VLDLR: variants seen among roughly 807,000 people sequenced by gnomAD.
The protein encoded by VLDLR is very low-density lipoprotein receptor.
VLDLR carries 81 observed loss-of-function variants against 112.7 expected under a neutral mutation model. The observed-to-expected ratio is 0.72, with a 90% confidence interval of 0.60 to 0.86. The LOEUF is 0.86. Ranked by LOEUF, VLDLR falls within the 40% of genes least tolerant of loss-of-function variation. The pLI is 0.00. For missense variants in VLDLR, 1,237 were observed against 1,099.4 expected, an observed-to-expected ratio of 1.13 and a Z score of -1.77; for synonymous variants, 436 against 384.8, an observed-to-expected ratio of 1.13 and a Z score of -1.56.
chr9:2,647,450 T>G, intron 11 of VLDLR, 24 bp from the exon 12 acceptor site: 1 of 1,599,064 alleles, frequency 6.3e-7, no homozygotes, highest in Non-Finnish European at 8.6e-7. Flanking sequence ...CACTGAGGCT[T>G]ATTTCTCATT....
intron 1 of VLDLR, 36 bp downstream of exon 1, chr9:2,622,307 A>T: frequency 7.0e-7 from 1 of 1,435,738 alleles, no homozygotes; most frequent in Non-Finnish European, 9.1e-7. Flanking sequence ...GGCGGGCGGG[A>T]CCCAGCCGGG....
chr9:2,633,031 G>GGAGAGAGAGA (rs71329438), intron 1 of VLDLR, among the ~76,000 whole-genome samples: 1 of 138,602 alleles, frequency 7.2e-6, no homozygotes, highest in African/African-American at 2.8e-5. Flanking sequence ...ACTCCTTATT[G>GGAGAGAGAGA]GAGAGAGAGA....
In VLDLR at chr9:2,658,592, G is replaced by A. The variant is rs1257789978; in HGVS notation, c.*4724G>A. The A allele has an allele frequency of 6.6e-6, 1 of 152,178 alleles. No homozygotes were observed. The highest frequency in any genetic ancestry group is 6.5e-5 in the Admixed American group (1 of 15,282). 9.4% of individuals were successfully genotyped at this position (152,178 alleles called of 1,614,324 possible). On this transcript the variant is annotated 3_prime_UTR_variant, in exon 19 of 19. Transcript: ENST00000382100. The stretch of plus-strand genomic sequence containing the variant: ...CATAGACTTCCGTGTCTTGTGTGTG[G>A]TACCTTGGGCAAGTTACTAACTCCC...
At chr9:2,648,085 C>T (rs1478400000) in intron 12 of VLDLR, 123 bp from the exon 13 acceptor site, 1 of 1,352,508 alleles carries the variant, frequency 7.4e-7, no homozygotes, top group Non-Finnish European at 1.0e-6. Flanking sequence ...TTTATGGTGA[C>T]CCCGTTAAGA....
rs369734535 is a variant in VLDLR at position 2,651,486 on chromosome 9, C to A, written c.2323C>A (p.Leu775Ile). 1 of 1,613,770 alleles carries A rather than the reference C, an allele frequency of 6.2e-7. No individual in the cohort carries two copies. Among genetic ancestry groups the A allele is most frequent in the Non-Finnish European group, 8.5e-7 (1 of 1,179,814 alleles). ...NTTEISATSG[L>I]VPGGINVTTA... is the part of the protein sequence containing the mutation. ...AACAGAAATTTCAGCAACTAGTGGACTAGTTCCTGGAGGTATTGAGTTCAG... is the reference window on the plus strand; with the variant it reads ...AACAGAAATTTCAGCAACTAGTGGAATAGTTCCTGGAGGTATTGAGTTCAG... Residue 775 changes from leucine to isoleucine, a missense_variant, in exon 16 of 19, where the codon CTA becomes ATA. Transcript: ENST00000382100.
intron 1 of VLDLR, among the ~76,000 whole-genome samples, chr9:2,635,141 A>G (rs538543873): frequency 7.2e-5 from 11 of 152,322 alleles, no homozygotes; most frequent in Non-Finnish European, 1.3e-4. Flanking sequence ...TGGATCCTCT[A>G]TCCTCTTAAG....
chr9:2,625,408 C>CAAATTTACATTT lies in VLDLR; in HGVS notation c.82+3137_82+3138insAAATTTACATTT, dbSNP rs1817045936. Among the ~76,000 whole-genome samples, 8 of 152,302 alleles carry CAAATTTACATTT rather than the reference C, an allele frequency of 5.3e-5. No homozygotes were observed. In the South Asian group the frequency reaches 1.7e-3, roughly 32 times the overall value. ...TAAATATCTAGCCCATTTTCTGTTT[C>CAAATTTACATTT]TCACAGAATGTAAATTTGTTCTTTT... On this transcript the variant is annotated intron_variant, in intron 1 of 18. Transcript: ENST00000382100.
chr9:2,643,133 T>G, intron 4 of VLDLR, 27 bp from the exon 5 acceptor site: 1 of 1,604,716 alleles, frequency 6.2e-7, no homozygotes, highest in Non-Finnish European at 8.5e-7. Context: ...TGATGCATTT[T>G]CAGTGGGGCA....
intron 1 of VLDLR, among the ~76,000 whole-genome samples, chr9:2,632,336 G>T (rs1487865770): frequency 6.6e-6 from 1 of 152,102 alleles, no homozygotes; most frequent in African/African-American, 2.4e-5. Context: ...TGGCTTTAAG[G>T]AACCCACTAA....
At chr9:2,645,506 AG>A in intron 9 of VLDLR, 67 bp from the exon 10 acceptor site, 1 of 1,566,448 alleles carries the variant, frequency 6.4e-7, no homozygotes, top group Non-Finnish European at 8.8e-7. Flanking sequence ...CTCTGCTGGG[AG>A]GAGGTGGTTT....
intron 14 of VLDLR, 70 bp downstream of exon 14, chr9:2,648,880 G>A (rs1586657116): frequency 1.9e-6 from 3 of 1,599,340 alleles, no homozygotes; most frequent in East Asian, 2.2e-5. Context: ...CCTGCTGGAT[G>A]TCAGTAGCTC....
intron 1 of VLDLR, among the ~76,000 whole-genome samples, chr9:2,624,719 G>C (rs760076787): frequency 6.6e-6 from 1 of 152,204 alleles, no homozygotes; most frequent in Admixed American, 6.5e-5. Flanking sequence ...AAACTGGTTG[G>C]CATGGAAAGT....
At position 2,646,289 on chromosome 9, in the gene VLDLR, A is replaced by G. The variant is rs777326345; in HGVS notation, c.1485-45A>G. On this transcript the variant is annotated intron_variant, in intron 10 of 18. Transcript: ENST00000382100. ...GCAAAAAGTCCATTCTCCAAGCTCT[A>G]ATTGTGTCAAACTCTTAAATTTCTT... The G allele has an allele frequency of 3.8e-6, 6 of 1,594,512 alleles. No individual in the cohort carries two copies. The Admixed American group carries it at 6.7e-5, about 18-fold the overall frequency.
intron 1 of VLDLR, among the ~76,000 whole-genome samples, chr9:2,633,051 A>AGAGAGAGAGTGTGTGTGT (rs1460780869): frequency 8.7e-6 from 1 of 115,402 alleles, no homozygotes; most frequent in Admixed American, 8.9e-5. Flanking sequence ...AGAGAGAGAG[A>AGAGAGAGAGTGTGTGTGT]GTGTGTGTGT....
At chr9:2,653,705 G>T in intron 18 of VLDLR, 128 bp from the exon 19 acceptor site, 1 of 928,518 alleles carries the variant, frequency 1.1e-6, no homozygotes, top group South Asian at 1.3e-5. Flanking sequence ...TTTTGTATCT[G>T]ACTGACTTTT....
intron 4 of VLDLR, among the ~76,000 whole-genome samples, chr9:2,641,971 A>G (rs1262357160): frequency 1.3e-5 from 2 of 151,162 alleles, no homozygotes; most frequent in Non-Finnish European, 3.0e-5. Flanking sequence ...TTTCCCAGAA[A>G]AAAAAAAAAA....
At chr9:2,647,974 G>C (rs1010569703) in intron 12 of VLDLR, among the ~76,000 whole-genome samples, 1 of 152,228 alleles carries the variant, frequency 6.6e-6, no homozygotes, top group Non-Finnish European at 1.5e-5. Context: ...TTTCTGTAAT[G>C]TGAGTAATAT....
Position 2,644,958 on chromosome 9 carries a change from T to C in VLDLR, c.1188T>C (p.Asp396=), listed in dbSNP as rs371219585. 18 of 1,614,088 alleles carry C rather than the reference T, an allele frequency of 1.1e-5. No homozygotes were observed. The highest frequency in any genetic ancestry group is 2.7e-5 in the African/African-American group (2 of 74,938). The change falls in exon 9 of 19, where the codon GAT becomes GAC. Residue 396 remains aspartate (D), a splice_region_variant and synonymous_variant. Coordinates refer to ENST00000382100, the MANE Select transcript of VLDLR (RefSeq NM_003383.5). ...FELIDRKTCG[D]IDECQNPGIC... ...GACTAATTCTGATTTCCCTCCCAGA[T>C]ATTGATGAATGCCAAAATCCAGGAA...
intron 1 of VLDLR, among the ~76,000 whole-genome samples, chr9:2,624,923 T>G (rs1057340619): frequency 3.9e-5 from 6 of 152,226 alleles, no homozygotes; most frequent in African/African-American, 1.4e-4. Flanking sequence ...TTATGTGGCA[T>G]TTACCTATAG....
Sources: gnomAD v4.1 joint callset for allele counts (sites outside exome capture counted in the v4.1 genomes callset) on GRCh38, gnomAD v4.1.1 for gene constraint, MANE v1.5 for transcripts, NCBI Gene and HGNC (gene_info 2026-07-23, HGNC 2026-07-21) for gene names.